The following NKAIN2 variants were observed in gnomAD, a reference collection of about 807,000 sequenced individuals.
NKAIN2 encodes the protein sodium/potassium-transporting ATPase subunit beta-1-interacting protein 2.
Under a neutral mutation model 32.6 loss-of-function variants are expected in NKAIN2, and 14 were observed. That is an observed-to-expected ratio of 0.43 (90% confidence interval 0.28 to 0.67). NKAIN2 has a LOEUF of 0.67. Among genes scored for constraint, NKAIN2 ranks in the 30% least tolerant of loss-of-function variants. The pLI is 0.17. For synonymous variants in NKAIN2, 80 were observed against 87.2 expected, an observed-to-expected ratio of 0.92 and a Z score of 0.46; for missense variants, 198 against 258.3, an observed-to-expected ratio of 0.77 and a Z score of 1.60.
intron 1 of NKAIN2, among the ~76,000 whole-genome samples, chr6:124,074,112 A>G (rs1426641780): frequency 6.6e-6 from 1 of 152,162 alleles, no homozygotes; most frequent in Non-Finnish European, 1.5e-5. Context: ...CAAACTTTCA[A>G]GAATCATCTC....
chr6:123,926,757 G>A (rs1776023934), intron 1 of NKAIN2, among the ~76,000 whole-genome samples: 1 of 152,106 alleles, frequency 6.6e-6, no homozygotes, highest in African/African-American at 2.4e-5. Context: ...TTCATCTCTA[G>A]TCAACCTTTG....
chr6:124,795,111 G>A (rs1779939390), intron 5 of NKAIN2, among the ~76,000 whole-genome samples: 1 of 152,198 alleles, frequency 6.6e-6, no homozygotes, highest in South Asian at 2.1e-4. Flanking sequence ...AGTGGCAGGA[G>A]TAGGTGCTAG....
intron 3 of NKAIN2, among the ~76,000 whole-genome samples, chr6:124,388,667 C>T (rs1287607191): frequency 6.6e-6 from 1 of 152,032 alleles, no homozygotes; most frequent in Non-Finnish European, 1.5e-5. Context: ...AATTAATACT[C>T]ACGGTGATTT....
In NKAIN2 at chr6:124,824,765, C is replaced by G. The variant is rs1474212054; in HGVS notation, c.*1536C>G. 2 of 152,078 alleles carry G rather than the reference C, an allele frequency of 1.3e-5. No homozygotes were observed. The highest frequency in any genetic ancestry group is 4.8e-5 in the African/African-American group (2 of 41,428). 9.4% of individuals were successfully genotyped at this position (152,078 alleles called of 1,614,324 possible). On this transcript the variant is annotated 3_prime_UTR_variant, in exon 7 of 7. Transcript: ENST00000368417. ...TAAATTGGCATGGAGCAAGTTTTTT[C>G]TTTGATTTCTATGAAGTTTCAGTTA...
chr6:124,601,007 T>G (rs962097434), intron 3 of NKAIN2, among the ~76,000 whole-genome samples: 5 of 152,072 alleles, frequency 3.3e-5, no homozygotes, highest in Non-Finnish European at 7.4e-5. Flanking sequence ...GCAGGTGCTA[T>G]TTTTTAAGTC....
chr6:124,003,661 T>C (rs1240607413), intron 1 of NKAIN2, among the ~76,000 whole-genome samples: 1 of 152,170 alleles, frequency 6.6e-6, no homozygotes, highest in Non-Finnish European at 1.5e-5. Flanking sequence ...AAATGTAACA[T>C]ATAAGGCCAA....
chr6:124,810,526 T>C lies in NKAIN2; in HGVS notation c.536-7861T>C, dbSNP rs372958261. Among the ~76,000 whole-genome samples the C allele has an allele frequency of 4.3e-4, 65 of 152,248 alleles. 1 individual carries two copies. The South Asian group carries it at 0.013, about 31-fold the overall frequency. Reference sequence around the variant, plus strand: ...AAGGGATAGCATTGGGAGATATACCTAATGCTAGATGACAAGTTAGTGGGT... The same window carrying C: ...AAGGGATAGCATTGGGAGATATACCCAATGCTAGATGACAAGTTAGTGGGT... On this transcript the variant is annotated intron_variant, in intron 5 of 6. Coordinates refer to ENST00000368417, the MANE Select transcript of NKAIN2 (RefSeq NM_001040214.3).
At chr6:124,360,579 T>A (rs1445285365) in intron 3 of NKAIN2, among the ~76,000 whole-genome samples, 1 of 152,114 alleles carries the variant, frequency 6.6e-6, no homozygotes, top group African/African-American at 2.4e-5. Context: ...CATATTTTAA[T>A]TACAGTGTCC....
chr6:123,834,218 G>C (rs1774514454), intron 1 of NKAIN2, among the ~76,000 whole-genome samples: 1 of 152,032 alleles, frequency 6.6e-6, no homozygotes, highest in Non-Finnish European at 1.5e-5. Context: ...GCAATGACGT[G>C]ATCTCAGCTC....
At chr6:124,004,962 T>C (rs991833283) in intron 1 of NKAIN2, among the ~76,000 whole-genome samples, 3 of 150,276 alleles carry the variant, frequency 2.0e-5, no homozygotes, top group African/African-American at 7.3e-5. Context: ...CAGTGACACA[T>C]GTCTGTAATC....
At chr6:124,586,371 A>G (rs1781710169) in intron 3 of NKAIN2, among the ~76,000 whole-genome samples, 1 of 152,204 alleles carries the variant, frequency 6.6e-6, no homozygotes, top group Admixed American at 6.5e-5. Flanking sequence ...GCCTGCTCTT[A>G]CTTATAACTG....
At chr6:124,127,188 T>C (rs904922099) in intron 1 of NKAIN2, among the ~76,000 whole-genome samples, 1 of 152,148 alleles carries the variant, frequency 6.6e-6, no homozygotes, top group African/African-American at 2.4e-5. Flanking sequence ...ACTTGAGCTG[T>C]GCATTCATGG....
chr6:124,522,836 T>C (rs1004071640), intron 3 of NKAIN2, among the ~76,000 whole-genome samples: 1 of 152,004 alleles, frequency 6.6e-6, no homozygotes, highest in Non-Finnish European at 1.5e-5. Context: ...TGAGGTTTTT[T>C]TGTAGGTTAA....
intron 1 of NKAIN2, among the ~76,000 whole-genome samples, chr6:124,018,489 T>A (rs1780697884): frequency 6.6e-6 from 1 of 152,186 alleles, no homozygotes; most frequent in South Asian, 2.1e-4. Flanking sequence ...TATGCTCTGC[T>A]TCCTATTGAA....
rs191167331 is a variant in NKAIN2 at position 124,197,034 on chromosome 6, A to G, written c.55-85971A>G. 2.5e-3 allele frequency among the ~76,000 whole-genome samples: 374 copies of G among 151,732 alleles called. 4 individuals carry two copies. Among genetic ancestry groups the G allele is most frequent in the African/African-American group, 8.3e-3 (343 of 41,504 alleles). On this transcript the variant is annotated intron_variant, in intron 1 of 6. Coordinates refer to ENST00000368417, the MANE Select transcript of NKAIN2 (RefSeq NM_001040214.3). ...AAGAAAAAATGTTTACTAAATCTGG[A>G]ATAGTATGCTTATTGGTATCATAGT...
At chr6:124,065,909 A>G (rs1783150378) in intron 1 of NKAIN2, among the ~76,000 whole-genome samples, 1 of 152,216 alleles carries the variant, frequency 6.6e-6, no homozygotes, top group African/African-American at 2.4e-5. Context: ...TGTATCCATA[A>G]TATATACACA....
intron 5 of NKAIN2, among the ~76,000 whole-genome samples, chr6:124,792,216 T>C (rs1779777727): frequency 1.3e-5 from 2 of 152,136 alleles, no homozygotes; most frequent in Admixed American, 1.3e-4. Flanking sequence ...AAAAAATATT[T>C]ATAATGTTGG....
chr6:123,822,900 A>G (rs974723764), intron 1 of NKAIN2, among the ~76,000 whole-genome samples: 2 of 152,164 alleles, frequency 1.3e-5, no homozygotes, highest in Admixed American at 1.3e-4. Context: ...AGAACTTAGC[A>G]CTCTATAAAT....
intron 3 of NKAIN2, among the ~76,000 whole-genome samples, chr6:124,414,284 A>T (rs1359271911): frequency 6.6e-6 from 1 of 152,154 alleles, no homozygotes; most frequent in Non-Finnish European, 1.5e-5. Context: ...TCACTTATTA[A>T]GATGATCACA....
Sources: gnomAD v4.1 joint callset for allele counts (sites outside exome capture counted in the v4.1 genomes callset) on GRCh38, gnomAD v4.1.1 for gene constraint, MANE v1.5 for transcripts, NCBI Gene and HGNC (gene_info 2026-07-23, HGNC 2026-07-21) for gene names.